Variants in SLC9C1 observed in about 807,000 individuals in gnomAD.
The protein encoded by SLC9C1 is solute carrier family 9 member C1.
Under a neutral mutation model 140.9 loss-of-function variants are expected in SLC9C1, and 97 were observed. The ratio of observed to expected loss-of-function variants is 0.69; its 90% CI spans 0.58 to 0.82. SLC9C1 has a LOEUF of 0.82. Among genes scored for constraint, SLC9C1 ranks in the 40% least tolerant of loss-of-function variants. SLC9C1 has a pLI of 0.00. For missense variants in SLC9C1, 1,340 were observed against 1,389.3 expected (o/e 0.96, Z 0.56); for synonymous variants, 440 against 442.6 (o/e 0.99, Z 0.07).
In SLC9C1 at chr3:112,277,670, T is replaced by A. The variant is rs200853963; in HGVS notation, c.484+25A>T. The stretch of plus-strand genomic sequence containing the variant: ...ATTATGAAATATGATATTATAAATA[T>A]AGAAAAAGAGAACAATATACCTACC... On this transcript the variant is annotated intron_variant, in intron 5 of 28. Coordinates refer to ENST00000305815, the MANE Select transcript of SLC9C1 (RefSeq NM_183061.3). The A allele has an allele frequency of 6.2e-5, 92 of 1,476,800 alleles. No individual in the cohort carries two copies. In the African/African-American group the frequency reaches 6.9e-4, roughly 11 times the overall value. The allele number at this position is 1,476,800 out of a possible 1,614,324, so 91.5% of individuals were successfully genotyped here.
intron 23 of SLC9C1, among the ~76,000 whole-genome samples, chr3:112,169,977 T>TA (rs995053321): frequency 7.9e-5 from 12 of 151,802 alleles, no homozygotes; most frequent in Non-Finnish European, 1.6e-4. Context: ...CTCACCACAT[T>TA]AAAAAAAATC....
intron 19 of SLC9C1, among the ~76,000 whole-genome samples, chr3:112,200,117 TG>T (rs1319499728): frequency 1.3e-5 from 2 of 152,082 alleles, no homozygotes; most frequent in African/African-American, 4.8e-5. Context: ...GCTCACCACA[TG>T]GTATAAAATT....
rs568007754 is a variant in SLC9C1 at position 112,244,955 on chromosome 3, A to G, written c.1198-879T>C. ...TAAGGAAATCTGAGGTATAATGTAC[A>G]TACATTGAAATGTACTCAAGTACCA... On this transcript the variant is annotated intron_variant, in intron 10 of 28. Coordinates refer to ENST00000305815, the MANE Select transcript of SLC9C1 (RefSeq NM_183061.3). Among the ~76,000 whole-genome samples the G allele has an allele frequency of 2.0e-5, 3 of 152,364 alleles. No individual in the cohort carries two copies. The East Asian group carries it at 5.8e-4, about 29-fold the overall frequency.
At chr3:112,249,979 T>C (rs937652547) in intron 10 of SLC9C1, among the ~76,000 whole-genome samples, 3 of 152,134 alleles carry the variant, frequency 2.0e-5, no homozygotes, top group South Asian at 2.1e-4. Context: ...TAGTTACATA[T>C]GTATACATGT....
intron 2 of SLC9C1, among the ~76,000 whole-genome samples, chr3:112,281,614 T>C (rs2080358191): frequency 6.6e-6 from 1 of 152,244 alleles, no homozygotes; most frequent in Non-Finnish European, 1.5e-5. Context: ...ACTCAAAATA[T>C]GCAGGGAAGG....
chr3:112,271,890 T>C (rs1030146355), intron 6 of SLC9C1, among the ~76,000 whole-genome samples: 13 of 152,130 alleles, frequency 8.5e-5, no homozygotes, highest in African/African-American at 2.9e-4. Context: ...TTGCAATGTA[T>C]ATTTCTGTAC....
intron 11 of SLC9C1, among the ~76,000 whole-genome samples, 193 bp downstream of exon 11, chr3:112,243,802 C>A (rs942666398): frequency 2.6e-5 from 4 of 151,890 alleles, no homozygotes; most frequent in African/African-American, 9.7e-5. Context: ...GCGATCCTCC[C>A]CAATCAGCCT....
intron 28 of SLC9C1, among the ~76,000 whole-genome samples, chr3:112,149,373 C>A (rs1354191621): frequency 6.6e-6 from 1 of 150,790 alleles, no homozygotes; most frequent in Non-Finnish European, 1.5e-5. Context: ...ACACCAGGAT[C>A]TCTGCACAGA....
chr3:112,159,877 A>T (rs1354242551), intron 26 of SLC9C1, among the ~76,000 whole-genome samples: 1 of 151,914 alleles, frequency 6.6e-6, no homozygotes, highest in East Asian at 1.9e-4. Context: ...ATATAAGTTT[A>T]GCTACTCTTC....
Position 112,239,993 on chromosome 3 carries a change from G to A in SLC9C1, c.1293C>T (p.Ala431=). ...AAACCGATTTATATTTTGTTGATGTGGCATCACGAAGACCTTTGATACAAA... is the reference window on the plus strand; with the variant it reads ...AAACCGATTTATATTTTGTTGATGTAGCATCACGAAGACCTTTGATACAAA... The part of the protein sequence containing the change: ...VAVTILGLRD[A]TSTKYKSVCC... Residue 431 remains alanine (A), a synonymous_variant, in exon 12 of 29, where the codon GCC becomes GCT. Coordinates refer to ENST00000305815, the MANE Select transcript of SLC9C1 (RefSeq NM_183061.3). The A allele has an allele frequency of 6.2e-7, 1 of 1,610,528 alleles. No individual in the cohort carries two copies. The highest frequency in any genetic ancestry group is 8.5e-7 in the Non-Finnish European group (1 of 1,178,496).
At chr3:112,223,616 G>T (rs1019198223) in intron 13 of SLC9C1, among the ~76,000 whole-genome samples, 13 of 151,812 alleles carry the variant, frequency 8.6e-5, no homozygotes, top group South Asian at 2.1e-4. Context: ...ACAAAGAAAG[G>T]AAAGCAGGCA....
Position 112,197,311 on chromosome 3 carries a change from C to G in SLC9C1, c.2523+2010G>C, listed in dbSNP as rs767621767. On this transcript the variant is annotated intron_variant, in intron 20 of 28. Coordinates refer to ENST00000305815, the MANE Select transcript of SLC9C1 (RefSeq NM_183061.3). ...TAAATCCTTTGGAAGTCACTTCAGC[C>G]AGAGGGGGAGGGCTTACAATAATGT... Among the ~76,000 whole-genome samples the G allele has an allele frequency of 2.1e-4, 32 of 152,050 alleles. 1 individual carries two copies. Among genetic ancestry groups the G allele is most frequent in the Non-Finnish European group, 8.8e-5 (6 of 68,010 alleles).
At chr3:112,146,510 G>A (rs1559999121) in intron 28 of SLC9C1, among the ~76,000 whole-genome samples, 2 of 152,094 alleles carry the variant, frequency 1.3e-5, no homozygotes, top group South Asian at 4.1e-4. Context: ...GGTATGTTGT[G>A]TCTCTTTCAT....
intron 16 of SLC9C1, among the ~76,000 whole-genome samples, chr3:112,206,324 G>A (rs2078046729): frequency 1.3e-5 from 2 of 152,088 alleles, no homozygotes; most frequent in East Asian, 1.9e-4. Context: ...AGTTAGAATG[G>A]CCATCATTAA....
intron 16 of SLC9C1, among the ~76,000 whole-genome samples, chr3:112,206,173 C>T (rs1324101307): frequency 1.4e-5 from 2 of 140,838 alleles, no homozygotes; most frequent in South Asian, 5.1e-4. Flanking sequence ...ACAACCCCAT[C>T]AAAAAGTGGG....
At chr3:112,156,760 G>C (rs1166135724) in intron 26 of SLC9C1, among the ~76,000 whole-genome samples, 1 of 151,664 alleles carries the variant, frequency 6.6e-6, no homozygotes, top group African/African-American at 2.4e-5. Flanking sequence ...GTTTTGATTT[G>C]CATTTCTCTA....
At chr3:112,222,425 C>T (rs913471713) in intron 13 of SLC9C1, among the ~76,000 whole-genome samples, 10 of 151,950 alleles carry the variant, frequency 6.6e-5, no homozygotes, top group Admixed American at 4.6e-4. Context: ...CTTTGAAAAG[C>T]GAGATTTATT....
intron 25 of SLC9C1, among the ~76,000 whole-genome samples, chr3:112,168,548 C>A (rs1467424387): frequency 6.6e-6 from 1 of 152,176 alleles, no homozygotes; most frequent in African/African-American, 2.4e-5. Context: ...TTTTCTGCAA[C>A]ATGTGAGTAA....
At chr3:112,229,805 G>C (rs141518864) in intron 13 of SLC9C1, among the ~76,000 whole-genome samples, 6 of 152,082 alleles carry the variant, frequency 3.9e-5, no homozygotes, top group African/African-American at 1.4e-4. Context: ...AGTTGTGTGA[G>C]CAATGAGAAG....
Sources: gnomAD v4.1 joint callset for allele counts (sites outside exome capture counted in the v4.1 genomes callset) on GRCh38, gnomAD v4.1.1 for gene constraint, MANE v1.5 for transcripts, NCBI Gene and HGNC (gene_info 2026-07-23, HGNC 2026-07-21) for gene names.